Variants in FHIT observed in about 807,000 individuals in gnomAD.
FHIT encodes fragile histidine triad diadenosine triphosphatase, also known as bis(5'-adenosyl)-triphosphatase.
FHIT carries 19 observed loss-of-function variants against 17.9 expected under a neutral mutation model. That is an observed-to-expected ratio of 1.06 (90% CI 0.74 to 1.56). The LOEUF is 1.56. FHIT is among the 40% of genes most tolerant of loss of function. The pLI, the probability that FHIT is intolerant of heterozygous loss-of-function variation, is 0.00. For missense variants in FHIT, 248 were observed against 189.2 expected, an observed-to-expected ratio of 1.31 and a Z score of -1.82; for synonymous variants, 81 against 69.7, an observed-to-expected ratio of 1.16 and a Z score of -0.81.
chr3:60,540,416 C>T (rs2036148091), intron 4 of FHIT, among the ~76,000 whole-genome samples: 1 of 152,222 alleles, frequency 6.6e-6, no homozygotes, highest in African/African-American at 2.4e-5. Flanking sequence ...GAGGCCCAGA[C>T]TTGCAACTGG....
intron 8 of FHIT, among the ~76,000 whole-genome samples, chr3:59,843,150 G>A (rs1436419317): frequency 2.6e-5 from 4 of 152,016 alleles, no homozygotes; most frequent in African/African-American, 7.2e-5. Context: ...TTTTCCTAGC[G>A]GCATTTATTG....
chr3:60,243,899 T>C (rs954998734), intron 5 of FHIT, among the ~76,000 whole-genome samples: 2 of 152,120 alleles, frequency 1.3e-5, no homozygotes, highest in Admixed American at 6.6e-5. Context: ...AATTATGTTC[T>C]GTAAGAGTCA....
intron 5 of FHIT, among the ~76,000 whole-genome samples, chr3:60,361,709 C>A (rs1192853234): frequency 3.3e-5 from 5 of 152,094 alleles, no homozygotes; most frequent in Non-Finnish European, 5.9e-5. Flanking sequence ...GAGAGAGAGA[C>A]AGATTTTACC....
chr3:60,190,121 C>A (rs988481822), intron 5 of FHIT, among the ~76,000 whole-genome samples: 1 of 152,080 alleles, frequency 6.6e-6, no homozygotes, highest in Admixed American at 6.5e-5. Context: ...CAGAAGCCAA[C>A]CAGTTAAAAT....
intron 2 of FHIT, among the ~76,000 whole-genome samples, chr3:61,120,703 A>G (rs1407340396): frequency 1.3e-5 from 2 of 151,884 alleles, no homozygotes; most frequent in Non-Finnish European, 2.9e-5. Flanking sequence ...AAGGATCACA[A>G]CTCCTCCCCA....
chr3:60,139,526 T>C (rs1234087419), intron 5 of FHIT, among the ~76,000 whole-genome samples: 2 of 152,130 alleles, frequency 1.3e-5, no homozygotes, highest in African/African-American at 4.8e-5. Flanking sequence ...AGATATCCCT[T>C]CTGAACTTCT....
chr3:61,172,453 ACTGCC>A (rs2038032668), intron 2 of FHIT, among the ~76,000 whole-genome samples: 2 of 152,248 alleles, frequency 1.3e-5, no homozygotes, highest in Non-Finnish European at 2.9e-5. Flanking sequence ...CACAATGGTT[ACTGCC>A]CAGAGGGGAG....
At chr3:60,731,567 T>C (rs181872026) in intron 4 of FHIT, among the ~76,000 whole-genome samples, 90 of 152,304 alleles carry the variant, frequency 5.9e-4, no homozygotes, top group African/African-American at 1.9e-3. Flanking sequence ...GTGTGTTTAC[T>C]GCAGTGGTAT....
intron 5 of FHIT, among the ~76,000 whole-genome samples, chr3:60,145,818 T>C (rs1263495016): frequency 6.6e-6 from 1 of 152,162 alleles, no homozygotes; most frequent in African/African-American, 2.4e-5. Flanking sequence ...TCAAAGATTA[T>C]TCATCTTCGA....
intron 8 of FHIT, among the ~76,000 whole-genome samples, chr3:59,807,531 T>C (rs1700250843): frequency 6.6e-6 from 1 of 152,218 alleles, no homozygotes; most frequent in Admixed American, 6.5e-5. Flanking sequence ...CCATTCAGGT[T>C]ACACAGAGAG....
chr3:60,797,913 T>C (rs2108136393), intron 4 of FHIT, among the ~76,000 whole-genome samples: 1 of 152,168 alleles, frequency 6.6e-6, no homozygotes, highest in South Asian at 2.1e-4. Flanking sequence ...CTTAAAAACA[T>C]TAAAAATTAA....
intron 5 of FHIT, among the ~76,000 whole-genome samples, chr3:60,216,580 C>A (rs146680920): frequency 1.3e-5 from 2 of 152,046 alleles, no homozygotes; most frequent in African/African-American, 4.8e-5. Flanking sequence ...TTACTGTCTA[C>A]CTAATACTGA....
At chr3:59,889,487 G>A (rs1462552224) in intron 8 of FHIT, among the ~76,000 whole-genome samples, 1 of 152,126 alleles carries the variant, frequency 6.6e-6, no homozygotes, top group East Asian at 1.9e-4. Context: ...CATCATGAAG[G>A]TGAGACCCTT....
chr3:61,016,608 T>G (rs1448190096), intron 3 of FHIT, among the ~76,000 whole-genome samples: 2 of 152,246 alleles, frequency 1.3e-5, no homozygotes, highest in Non-Finnish European at 2.9e-5. Flanking sequence ...TTTGTGTTTG[T>G]TCAACATTTC....
At chr3:60,336,576 G>T (rs995456178) in intron 5 of FHIT, among the ~76,000 whole-genome samples, 1 of 152,114 alleles carries the variant, frequency 6.6e-6, no homozygotes, top group African/African-American at 2.4e-5. Context: ...ATAGATCTGT[G>T]CTATCCAATA....
intron 5 of FHIT, among the ~76,000 whole-genome samples, chr3:60,380,572 G>T (rs1700756768): frequency 6.6e-6 from 1 of 152,060 alleles, no homozygotes; most frequent in African/African-American, 2.4e-5. Flanking sequence ...CAACCTTATG[G>T]GAAAAAGAGG....
intron 3 of FHIT, among the ~76,000 whole-genome samples, chr3:60,962,195 T>G (rs564545816): frequency 2.0e-5 from 3 of 152,344 alleles, no homozygotes; most frequent in African/African-American, 7.2e-5. Context: ...GAAGCAATTG[T>G]GAATGGGAGT....
In FHIT at chr3:59,894,946, A is replaced by T. The variant is rs116441222; in HGVS notation, c.348+27400T>A. On this transcript the variant is annotated intron_variant, in intron 8 of 9. Coordinates refer to ENST00000492590, the MANE Select transcript of FHIT (RefSeq NM_002012.4). ...CTTTCAAACCTGGCAGGTGATGAGA[A>T]CAGACTTCAGAACTTGGCTACACTG... Among the ~76,000 whole-genome samples, 174 of 152,358 alleles carry T rather than the reference A, an allele frequency of 1.1e-3. 1 individual carries two copies. Among genetic ancestry groups the T allele is most frequent in the African/African-American group, 3.9e-3 (164 of 41,584 alleles).
chr3:61,207,154 T>A (rs182550514), intron 1 of FHIT, among the ~76,000 whole-genome samples: 3 of 152,330 alleles, frequency 2.0e-5, no homozygotes, highest in Non-Finnish European at 4.4e-5. Flanking sequence ...CAGCCTTGCA[T>A]CCCAGGGATG....
Sources: allele counts gnomAD v4.1 joint callset (sites outside exome capture counted in the v4.1 genomes callset), GRCh38; gene constraint gnomAD v4.1.1; transcripts MANE v1.5; gene names NCBI Gene and HGNC (gene_info 2026-07-23, HGNC 2026-07-21).